Variants in PHC3 observed in about 807,000 individuals in gnomAD.
The protein encoded by PHC3 is polyhomeotic-like protein 3.
A neutral mutation model predicts 107.4 loss-of-function variants in PHC3; 13 were observed. That is an observed-to-expected ratio of 0.12 (90% CI 0.08 to 0.19). PHC3 has a LOEUF of 0.19. PHC3 is among the 10% of genes least tolerant of loss of function. The pLI is 1.00. For synonymous variants in PHC3, 456 were observed against 427.4 expected (o/e 1.07, Z -0.83); for missense variants, 992 against 1,210.9 (o/e 0.82, Z 2.68).
rs1484269798 is a variant in PHC3 at position 170,094,493 on chromosome 3, T to C, written c.*2737A>G. 1 of 152,086 alleles carries C rather than the reference T, an allele frequency of 6.6e-6. No homozygotes were observed. Among genetic ancestry groups the C allele is most frequent in the Non-Finnish European group, 1.5e-5 (1 of 68,006 alleles). 9.4% of individuals were successfully genotyped at this position (152,086 alleles called of 1,614,324 possible). On this transcript the variant is annotated 3_prime_UTR_variant, in exon 15 of 15. Transcript: ENST00000495893. ...CTCCCCAGTCAAAATCCTAAAACTA[T>C]TAGTAGTAGTATGAAAGGATATGAA...
Position 170,088,096 on chromosome 3 carries a change from G to A in PHC3, c.*9134C>T, listed in dbSNP as rs773911302. On this transcript the variant is annotated 3_prime_UTR_variant, in exon 15 of 15. Coordinates refer to ENST00000495893, the MANE Select transcript of PHC3 (RefSeq NM_024947.4). ...TAAAAACTATTTCATTTCTTGTAAGGAGGACTCTAATACAATATCCAATGT... is the reference window on the plus strand; with the variant it reads ...TAAAAACTATTTCATTTCTTGTAAGAAGGACTCTAATACAATATCCAATGT... 2 of 152,120 alleles carry A rather than the reference G, an allele frequency of 1.3e-5. No homozygotes were observed. The highest frequency in any genetic ancestry group is 6.5e-5 in the Admixed American group (1 of 15,268). The allele number at this position is 152,120 out of a possible 1,614,324, so 9.4% of individuals were successfully genotyped here.
At position 170,088,028 on chromosome 3, in the gene PHC3, G is replaced by A. The variant is rs1474968405; in HGVS notation, c.*9202C>T. On this transcript the variant is annotated 3_prime_UTR_variant, in exon 15 of 15. Transcript: ENST00000495893. ...TTTTCAGGTTATACATTTTAAAACT[G>A]TAGCTATCAACACCAATCTAGGAAC... 6.6e-6 allele frequency: 1 copy of A among 152,124 alleles called. No homozygotes were observed. The highest frequency in any genetic ancestry group is 1.5e-5 in the Non-Finnish European group (1 of 68,012). The allele number at this position is 152,124 out of a possible 1,614,324, so 9.4% of individuals were successfully genotyped here. A position where few individuals can be genotyped will look rare whatever the true frequency, so the allele number is the denominator to read the frequency against.
chr3:170,125,128 C>A (rs1238603341), intron 8 of PHC3, among the ~76,000 whole-genome samples: 2 of 152,056 alleles, frequency 1.3e-5, no homozygotes, highest in African/African-American at 4.8e-5. Flanking sequence ...ACCTGGAAAC[C>A]AGTTACACTA....
At chr3:170,147,387 C>T (rs1725156133) in intron 5 of PHC3, 1 of 152,116 alleles carries the variant, frequency 6.6e-6, no homozygotes, top group Non-Finnish European at 1.5e-5. Flanking sequence ...ACCTTTTAAA[C>T]TTCAGTTCTT....
At chr3:170,108,153 T>C (rs1166380283) in intron 11 of PHC3, among the ~76,000 whole-genome samples, 1 of 152,190 alleles carries the variant, frequency 6.6e-6, no homozygotes, top group East Asian at 1.9e-4. Context: ...CCAAGTCATA[T>C]TAAAAAAAGC....
intron 7 of PHC3, among the ~76,000 whole-genome samples, chr3:170,132,641 C>A (rs561816353): frequency 1.3e-5 from 2 of 152,346 alleles, no homozygotes; most frequent in South Asian, 4.1e-4. Context: ...TCACCAGAAA[C>A]TGAACACTGC....
In PHC3 at chr3:170,105,188, GT is replaced by G. The variant is rs552898401; in HGVS notation, c.2468+1643del. On this transcript the variant is annotated intron_variant, in intron 12 of 14. Transcript: ENST00000495893. ...GAAGTTTAAAATATTCTGAAAGGGA[GT>G]CCTTTCCCCAAATTTTTAGAGTTTT... Among the ~76,000 whole-genome samples, 227 of 152,322 alleles carry G rather than the reference GT, an allele frequency of 1.5e-3. 1 individual carries two copies. Among genetic ancestry groups the G allele is most frequent in the South Asian group, 0.014 (67 of 4,826 alleles).
intron 4 of PHC3, among the ~76,000 whole-genome samples, chr3:170,157,780 G>A (rs1165984708): frequency 6.6e-6 from 1 of 152,002 alleles, no homozygotes. Flanking sequence ...AAACTGAACA[G>A]TTTTAAGGTT....
At chr3:170,177,390 G>A (rs1400579639) in intron 2 of PHC3, among the ~76,000 whole-genome samples, 2 of 151,988 alleles carry the variant, frequency 1.3e-5, no homozygotes, top group African/African-American at 4.8e-5. Flanking sequence ...TTTTGAGATG[G>A]AGTCTCACTC....
At chr3:170,162,635 G>C (rs1728073334) in intron 4 of PHC3, among the ~76,000 whole-genome samples, 1 of 152,058 alleles carries the variant, frequency 6.6e-6, no homozygotes, top group African/African-American at 2.4e-5. Flanking sequence ...ATTATTACAA[G>C]AACATTTAAC....
At chr3:170,150,933 C>A (rs1725850697) in intron 4 of PHC3, among the ~76,000 whole-genome samples, 2 of 151,788 alleles carry the variant, frequency 1.3e-5, no homozygotes, top group African/African-American at 2.4e-5. Context: ...ATATTTTTGG[C>A]CGGGTGAGGT....
rs146809699 is a variant in PHC3 at position 170,138,227 on chromosome 3, A to T, written c.673-1562T>A. ...CAAATAAATAAATAAATAATTTTTT[A>T]AAAAAGCTATACTTCAGGCCAAACT... is the stretch of plus-strand genomic sequence containing the variant. On this transcript the variant is annotated intron_variant, in intron 6 of 14. Transcript: ENST00000495893. Among the ~76,000 whole-genome samples the T allele has an allele frequency of 2.8e-4, 42 of 152,146 alleles. No individual in the cohort carries two copies. The East Asian group carries it at 3.1e-3, about 11-fold the overall frequency.
At chr3:170,174,190 C>T (rs1160780369) in intron 2 of PHC3, among the ~76,000 whole-genome samples, 1 of 151,324 alleles carries the variant, frequency 6.6e-6, no homozygotes, top group Non-Finnish European at 1.5e-5. Flanking sequence ...AAGACCCCAT[C>T]TCAAAAAAAT....
intron 5 of PHC3, among the ~76,000 whole-genome samples, chr3:170,146,205 T>C (rs1434367604): frequency 2.0e-5 from 3 of 151,928 alleles, no homozygotes; most frequent in East Asian, 1.9e-4. Context: ...TGAAACCCCA[T>C]CTCTACTAAT....
At chr3:170,101,720 G>A (rs1021364137) in intron 14 of PHC3, among the ~76,000 whole-genome samples, 12 of 152,120 alleles carry the variant, frequency 7.9e-5, no homozygotes, top group Admixed American at 5.2e-4. Context: ...CATGAGCAAA[G>A]GTGCAGCTGT....
chr3:170,124,654 T>C (rs1475605806), intron 8 of PHC3, among the ~76,000 whole-genome samples: 5 of 152,238 alleles, frequency 3.3e-5, no homozygotes. Context: ...CATGAGCCAC[T>C]GCACACCTAG....
intron 2 of PHC3, among the ~76,000 whole-genome samples, chr3:170,174,778 A>G (rs1730157368): frequency 6.6e-6 from 1 of 152,208 alleles, no homozygotes; most frequent in African/African-American, 2.4e-5. Flanking sequence ...TTCTGTCACA[A>G]AATCAATGGG....
chr3:170,136,505 C>T lies in PHC3; in HGVS notation c.833G>A (p.Ser278Asn). The T allele has an allele frequency of 6.2e-7, 1 of 1,606,782 alleles. No individual in the cohort carries two copies. Among genetic ancestry groups the T allele is most frequent in the Non-Finnish European group, 8.5e-7 (1 of 1,177,032 alleles). ...KISQRDPSPE[S>N]NKKGESPSLE... Reference sequence around the variant, plus strand: ...GCTTGGGCTCTCTCCTTTCTTATTACTTTCTGGAGAAGGATCTCGTTGGCT... The same window carrying T: ...GCTTGGGCTCTCTCCTTTCTTATTATTTTCTGGAGAAGGATCTCGTTGGCT... The change falls in exon 7 of 15, where the codon AGT (serine) becomes AAT (asparagine). Residue 278 changes from serine to asparagine, a missense_variant. Coordinates refer to ENST00000495893, the MANE Select transcript of PHC3 (RefSeq NM_024947.4).
intron 6 of PHC3, among the ~76,000 whole-genome samples, chr3:170,138,703 A>T (rs1723551033): frequency 6.6e-6 from 1 of 151,496 alleles, no homozygotes; most frequent in Non-Finnish European, 1.5e-5. Flanking sequence ...AAAAAAAAAA[A>T]AAAAAAAGAT....
Sources: gnomAD v4.1 joint callset for allele counts (sites outside exome capture counted in the v4.1 genomes callset) on GRCh38, gnomAD v4.1.1 for gene constraint, MANE v1.5 for transcripts, NCBI Gene and HGNC (gene_info 2026-07-23, HGNC 2026-07-21) for gene names.